Variants in MBP observed in about 807,000 individuals in gnomAD.
MBP encodes the protein myelin basic protein.
Under a neutral mutation model 35.8 loss-of-function variants are expected in MBP, and 16 were observed. The ratio of observed to expected loss-of-function variants is 0.45; its 90% CI spans 0.30 to 0.68. The LOEUF is 0.68. MBP is among the 30% of genes least tolerant of loss of function. MBP has a pLI of 0.08. For synonymous variants in MBP, 143 were observed against 159.6 expected (o/e 0.90, Z 0.78); for missense variants, 380 against 404.7 (o/e 0.94, Z 0.52).
At position 77,094,512 on chromosome 18, in the gene MBP, A is replaced by G. The variant is rs77903235; in HGVS notation, c.51+10699T>C. Among the ~76,000 whole-genome samples, 913 of 152,350 alleles carry G rather than the reference A, an allele frequency of 6.0e-3. 10 individuals are homozygous for G. Among genetic ancestry groups the G allele is most frequent in the African/African-American group, 0.02 (846 of 41,574 alleles). ...GGGTGCCACGTTAAATGACGACTGT[A>G]GGACTCTCCCACGTTGAGGTGAGCA... On this transcript the variant is annotated intron_variant, in intron 2 of 8. Coordinates refer to ENST00000355994, the MANE Select transcript of MBP (RefSeq NM_001025101.2).
chr18:76,989,097 G>C lies in MBP; in HGVS notation c.682-185C>G. 1.4e-6 allele frequency: 1 copy of C among 712,906 alleles called. No individual in the cohort carries two copies. The highest frequency in any genetic ancestry group is 2.6e-6 in the Non-Finnish European group (1 of 389,938). The allele number at this position is 712,906 out of a possible 1,614,324, so 44.2% of individuals were successfully genotyped here. On this transcript the variant is annotated intron_variant, in intron 5 of 8. Coordinates refer to ENST00000355994, the MANE Select transcript of MBP (RefSeq NM_001025101.2). The surrounding 1 kb of genome is among the most constrained non-coding windows in gnomAD (Gnocchi z 4.0). ...TAGACCTGAGATTGAAAATATTCTAGATGATGCAGATCTCCCAGAGCACTC... is the reference window on the plus strand; with the variant it reads ...TAGACCTGAGATTGAAAATATTCTACATGATGCAGATCTCCCAGAGCACTC...
intron 2 of MBP, among the ~76,000 whole-genome samples, chr18:77,084,009 G>GT (rs33974021): frequency 0.22 from 32,925 of 151,140 alleles, 3,845 homozygotes; most frequent in African/African-American, 0.3. Context: ...CAATAAAGCT[G>GT]TTTTTTTTTT....
chr18:77,074,505 T>C (rs879585659), intron 2 of MBP, among the ~76,000 whole-genome samples: 3 of 152,110 alleles, frequency 2.0e-5, no homozygotes, highest in Non-Finnish European at 2.9e-5. Flanking sequence ...GCCTGTGATA[T>C]GGAAAGGCCA....
intron 1 of MBP, among the ~76,000 whole-genome samples, chr18:77,120,655 G>C (rs938173092): frequency 3.3e-5 from 5 of 152,218 alleles, no homozygotes; most frequent in African/African-American, 4.8e-5. Flanking sequence ...ATTCCAGAGA[G>C]AGTGGCAAGA....
At chr18:77,011,976 A>T (rs1865416100) in intron 4 of MBP, among the ~76,000 whole-genome samples, 1 of 152,210 alleles carries the variant, frequency 6.6e-6, no homozygotes, top group Non-Finnish European at 1.5e-5. Context: ...ACCGATCAGA[A>T]TTGCCTGTTA....
At chr18:77,087,423 G>C (rs1244436800) in intron 2 of MBP, 1 of 151,938 alleles carries the variant, frequency 6.6e-6, no homozygotes, top group Non-Finnish European at 1.5e-5. Flanking sequence ...CCCGCGGCAG[G>C]TGGTGCAGCA....
chr18:77,103,834 G>A lies in MBP; in HGVS notation c.51+1377C>T, dbSNP rs369853282. Among the ~76,000 whole-genome samples the A allele has an allele frequency of 2.8e-4, 43 of 152,344 alleles. 1 individual carries two copies. The East Asian group carries it at 6.0e-3, about 21-fold the overall frequency. On this transcript the variant is annotated intron_variant, in intron 2 of 8. Coordinates refer to ENST00000355994, the MANE Select transcript of MBP (RefSeq NM_001025101.2). The stretch of plus-strand genomic sequence containing the variant: ...CAGTGGGAAAAGGGTCCAGAACCCC[G>A]ATTCAGGGCACTACAGGGGAACCGA...
chr18:77,056,228 T>C (rs568972974), intron 3 of MBP, among the ~76,000 whole-genome samples: 1 of 152,332 alleles, frequency 6.6e-6, no homozygotes, highest in African/African-American at 2.4e-5. Context: ...ACAGGACCCA[T>C]AGGGACCAGG....
chr18:77,025,578 G>C (rs2123542441), intron 3 of MBP, among the ~76,000 whole-genome samples: 1 of 152,262 alleles, frequency 6.6e-6, no homozygotes, highest in South Asian at 2.1e-4. Flanking sequence ...ACGGCTCCAG[G>C]CTTGTTTAGG....
intron 8 of MBP, chr18:76,982,850 G>A (rs186973883): frequency 4.6e-5 from 7 of 152,284 alleles, no homozygotes; most frequent in Non-Finnish European, 8.8e-5. Flanking sequence ...ACAACCATAT[G>A]ATTTGAAATT....
intron 4 of MBP, 42 bp downstream of exon 4, chr18:77,016,790 T>G (rs746461097): frequency 1.9e-6 from 3 of 1,603,570 alleles, no homozygotes; most frequent in Admixed American, 1.7e-5. Context: ...CTCCTTTGCT[T>G]TTTCCATTTA....
Position 77,102,163 on chromosome 18 carries a change from G to T in MBP, c.51+3048C>A, listed in dbSNP as rs113021655. Reference sequence around the variant, plus strand: ...GGAGAAGGTGGCAGCAGGGTGGGAAGGAGGGGGCCCTCAGCAGCCTGGGCC... The same window carrying T: ...GGAGAAGGTGGCAGCAGGGTGGGAATGAGGGGGCCCTCAGCAGCCTGGGCC... On this transcript the variant is annotated intron_variant, in intron 2 of 8. Transcript: ENST00000355994. This position sits in a 1 kb window ranked among gnomAD's most constrained non-coding sequence, Gnocchi z 4.4. 4.8e-3 allele frequency among the ~76,000 whole-genome samples: 736 copies of T among 151,968 alleles called. 6 individuals are homozygous for T. Among genetic ancestry groups the T allele is most frequent in the African/African-American group, 0.017 (702 of 41,258 alleles).
intron 1 of MBP, among the ~76,000 whole-genome samples, chr18:77,129,828 G>A (rs150906948): frequency 0.014 from 2,056 of 152,216 alleles, 26 homozygotes; most frequent in Middle Eastern, 0.031. Flanking sequence ...TCAGGAGTTT[G>A]AGACCAGCCT....
intron 3 of MBP, among the ~76,000 whole-genome samples, chr18:77,025,154 G>T (rs967556194): frequency 6.6e-6 from 1 of 152,170 alleles, no homozygotes; most frequent in Non-Finnish European, 1.5e-5. Flanking sequence ...AACTCCCTCC[G>T]TATGTTCTAG....
chr18:77,034,342 G>A (rs1018459963), intron 3 of MBP, among the ~76,000 whole-genome samples: 2 of 152,080 alleles, frequency 1.3e-5, no homozygotes, highest in Non-Finnish European at 2.9e-5. Context: ...GGTGAGCTGG[G>A]GAGTGGGTTC....
At chr18:77,099,162 C>T (rs945971892) in intron 2 of MBP, among the ~76,000 whole-genome samples, 6 of 152,154 alleles carry the variant, frequency 3.9e-5, no homozygotes, top group Admixed American at 6.5e-5. Context: ...GCTTATTTAA[C>T]GAGCAATGGG....
chr18:76,996,410 C>A (rs1258476873), intron 4 of MBP, among the ~76,000 whole-genome samples: 1 of 152,124 alleles, frequency 6.6e-6, no homozygotes, highest in Non-Finnish European at 1.5e-5. Context: ...TATACAATAA[C>A]CAGTACATGA....
intron 2 of MBP, among the ~76,000 whole-genome samples, chr18:77,075,707 C>T (rs187254643): frequency 6.6e-6 from 1 of 152,180 alleles, no homozygotes; most frequent in Non-Finnish European, 1.5e-5. Context: ...CTCTGTTTAA[C>T]GTCCTCAGAA....
chr18:76,993,538 A>G (rs1970079842), intron 4 of MBP, among the ~76,000 whole-genome samples: 1 of 143,090 alleles, frequency 7.0e-6, no homozygotes. Context: ...CGACAGAGCG[A>G]GACTTTGTCT....
Sources: allele counts gnomAD v4.1 joint callset (sites outside exome capture counted in the v4.1 genomes callset), GRCh38; gene constraint gnomAD v4.1.1; non-coding constraint Gnocchi (gnomAD v3.1); transcripts MANE v1.5; gene names NCBI Gene and HGNC (gene_info 2026-07-23, HGNC 2026-07-21).